Variants in ADGB observed in about 807,000 individuals in gnomAD.
ADGB encodes the protein androglobin.
A neutral mutation model predicts 210.5 loss-of-function variants in ADGB; 172 were observed. That is an observed-to-expected ratio of 0.82 (90% CI 0.72 to 0.93). The LOEUF (loss-of-function observed/expected upper bound fraction) is 0.93. ADGB is among the 40% of genes least tolerant of loss of function. The probability of loss-of-function intolerance (pLI) is 0.00; values close to 1 mark genes in which losing one functional copy is unlikely to be tolerated. For missense variants in ADGB, 2,025 were observed against 1,964.8 expected (o/e 1.03, Z -0.58); for synonymous variants, 658 against 662.7 (o/e 0.99, Z 0.11).
At chr6:146,623,122 T>C (rs1423892899) in intron 1 of ADGB, among the ~76,000 whole-genome samples, 1 of 151,966 alleles carries the variant, frequency 6.6e-6, no homozygotes, top group African/African-American at 2.4e-5. Context: ...AGTCTTTGAA[T>C]ATGTTTCTCC....
chr6:146,635,003 C>CA (rs773882431), intron 1 of ADGB, among the ~76,000 whole-genome samples: 8 of 151,388 alleles, frequency 5.3e-5, no homozygotes, highest in South Asian at 2.1e-4. Flanking sequence ...ACTTAATTTT[C>CA]AAAAAAATAT....
intron 8 of ADGB, among the ~76,000 whole-genome samples, chr6:146,673,442 TGTC>T (rs1393595343): frequency 2.0e-5 from 3 of 152,196 alleles, no homozygotes; most frequent in African/African-American, 7.2e-5. Flanking sequence ...GCATCTTTGT[TGTC>T]GTTATCCTTT....
In ADGB at chr6:146,698,244, T is replaced by C. The variant is rs147667099; in HGVS notation, c.1578-2697T>C. Among the ~76,000 whole-genome samples the C allele has an allele frequency of 4.2e-3, 633 of 152,342 alleles. 5 individuals carry two copies. Among genetic ancestry groups the C allele is most frequent in the South Asian group, 0.027 (128 of 4,830 alleles). ...TTGTTTAAGAACATTTAAACATGTA[T>C]TTTAAGCTTCAATAAAACTTTATTA... On this transcript the variant is annotated intron_variant, in intron 12 of 35. Coordinates refer to ENST00000397944, the MANE Select transcript of ADGB (RefSeq NM_024694.4).
At chr6:146,650,849 C>T (rs1472678412) in intron 3 of ADGB, among the ~76,000 whole-genome samples, 4 of 152,162 alleles carry the variant, frequency 2.6e-5, no homozygotes, top group Non-Finnish European at 5.9e-5. Context: ...AAAGGGGTTA[C>T]TGGAGAAATG....
chr6:146,691,035 T>A, intron 10 of ADGB, 81 bp from the exon 11 acceptor site: 1 of 1,259,946 alleles, frequency 7.9e-7, no homozygotes, highest in Admixed American at 3.1e-5. Context: ...TATTGCTCTG[T>A]TCGTGATAGT....
chr6:146,759,070 C>T (rs1168520986), intron 27 of ADGB, among the ~76,000 whole-genome samples: 2 of 151,818 alleles, frequency 1.3e-5, no homozygotes, highest in East Asian at 1.9e-4. Context: ...ATATCCTTTA[C>T]GGTATGTATT....
chr6:146,645,454 A>G (rs1175426384), intron 3 of ADGB, among the ~76,000 whole-genome samples: 1 of 152,052 alleles, frequency 6.6e-6, no homozygotes, highest in Non-Finnish European at 1.5e-5. Flanking sequence ...CATAACAGCT[A>G]TATGTTAGTT....
chr6:146,765,437 A>G (rs966932044), intron 28 of ADGB, among the ~76,000 whole-genome samples: 2 of 152,088 alleles, frequency 1.3e-5, no homozygotes, highest in Admixed American at 1.3e-4. Context: ...TTTGGCACAC[A>G]TGAGATTTTT....
At chr6:146,783,111 G>T (rs182942792) in intron 30 of ADGB, among the ~76,000 whole-genome samples, 49 of 152,066 alleles carry the variant, frequency 3.2e-4, no homozygotes, top group African/African-American at 1.2e-3. Context: ...AGTGTGTCAG[G>T]AACAGGAAAA....
In ADGB at chr6:146,752,517, T is replaced by C. The variant is rs1314885596; in HGVS notation, c.3366-13T>C. The C allele has an allele frequency of 6.5e-6, 10 of 1,527,130 alleles. No individual in the cohort carries two copies. The highest frequency in any genetic ancestry group is 8.8e-6 in the Non-Finnish European group (10 of 1,135,784). The allele number at this position is 1,527,130 out of a possible 1,614,324, so 94.6% of individuals were successfully genotyped here. ...ACATACTTGCTTATAATGTTAACTT[T>C]TTTTCTTTACAGGTATTCGGTTAAA... On this transcript the variant is annotated splice_polypyrimidine_tract_variant and intron_variant, in intron 26 of 35. Coordinates refer to ENST00000397944, the MANE Select transcript of ADGB (RefSeq NM_024694.4).
At chr6:146,677,054 T>G (rs7740903) in intron 9 of ADGB, among the ~76,000 whole-genome samples, 8 of 152,292 alleles carry the variant, frequency 5.3e-5, no homozygotes, top group African/African-American at 1.9e-4. Flanking sequence ...ACATTGGAGC[T>G]CTTTCATTTT....
intron 9 of ADGB, among the ~76,000 whole-genome samples, chr6:146,684,154 C>T (rs1164053816): frequency 6.6e-6 from 1 of 152,102 alleles, no homozygotes; most frequent in African/African-American, 2.4e-5. Flanking sequence ...CTCTTCTTCC[C>T]TCCACCTCTC....
rs1778377142 is a variant in ADGB at position 146,815,424 on chromosome 6, G to C, written c.*207G>C. 1 of 327,998 alleles carries C rather than the reference G, an allele frequency of 3.0e-6. No individual in the cohort carries two copies. The highest frequency in any genetic ancestry group is 4.9e-5 in the Admixed American group (1 of 20,254). 20.3% of individuals were successfully genotyped at this position (327,998 alleles called of 1,614,324 possible). A position where few individuals can be genotyped will look rare whatever the true frequency, so the allele number is the denominator to read the frequency against. ...AAGATGCTCTAATTTCAATAAAATAGCTTCCAAATATTTAATAAAATATGT... is the reference window on the plus strand; with the variant it reads ...AAGATGCTCTAATTTCAATAAAATACCTTCCAAATATTTAATAAAATATGT... On this transcript the variant is annotated 3_prime_UTR_variant, in exon 36 of 36. Transcript: ENST00000397944.
At chr6:146,711,875 CA>C (rs377420781) in intron 13 of ADGB, among the ~76,000 whole-genome samples, 13 of 149,142 alleles carry the variant, frequency 8.7e-5, no homozygotes, top group South Asian at 4.3e-4. Context: ...CAAAAACAAA[CA>C]AAAAAAAACA....
chr6:146,680,748 A>ATTCTTATT (rs568782151), intron 9 of ADGB, among the ~76,000 whole-genome samples: 31 of 152,206 alleles, frequency 2.0e-4, no homozygotes, highest in Non-Finnish European at 4.3e-4. Flanking sequence ...CAAATAAGAA[A>ATTCTTATT]TGAGTTCAGG....
intron 13 of ADGB, among the ~76,000 whole-genome samples, chr6:146,713,899 T>C (rs6901516): frequency 0.22 from 33,120 of 152,104 alleles, 3,945 homozygotes; most frequent in African/African-American, 0.32. Flanking sequence ...TGTATCCGCT[T>C]CAGTGCCTAA....
intron 4 of ADGB, among the ~76,000 whole-genome samples, 190 bp downstream of exon 4, chr6:146,654,396 G>A (rs7747980): frequency 1.4e-4 from 21 of 151,112 alleles, no homozygotes; most frequent in Middle Eastern, 7.0e-3. Context: ...TCTGTTGCTC[G>A]GGCTAGAGTG....
At chr6:146,678,672 C>T (rs1429230595) in intron 9 of ADGB, among the ~76,000 whole-genome samples, 2 of 152,126 alleles carry the variant, frequency 1.3e-5, no homozygotes, top group Non-Finnish European at 2.9e-5. Context: ...AAATGACGCT[C>T]ACAGTTTTAA....
rs1778140626 is a variant in ADGB, at chr6:146,801,917, A to G, written c.4724A>G (p.Gln1575Arg). 2.6e-6 allele frequency: 4 copies of G among 1,551,270 alleles called. No homozygotes were observed. In the South Asian group the frequency reaches 4.8e-5, roughly 18 times the overall value. The change falls in exon 35 of 36, where the codon CAG becomes CGG. Residue 1575 changes from glutamine to arginine, a missense_variant. Transcript: ENST00000397944. ...GCGGAAGAAATTCATCAGTTTCGAC[A>G]GCATAGGACCAGAGTCCTTAGCATT... The part of the protein sequence containing the change: ...QKAEEIHQFR[Q>R]HRTRVLSIRN...
Sources: gnomAD v4.1 joint callset for allele counts (sites outside exome capture counted in the v4.1 genomes callset) on GRCh38, gnomAD v4.1.1 for gene constraint, MANE v1.5 for transcripts, NCBI Gene and HGNC (gene_info 2026-07-23, HGNC 2026-07-21) for gene names.